Variants in CAMTA1 observed in about 807,000 individuals in gnomAD.
The protein encoded by CAMTA1 is calmodulin-binding transcription activator 1.
Under a neutral mutation model 170.9 loss-of-function variants are expected in CAMTA1, and 27 were observed. The observed-to-expected ratio is 0.16, with a 90% confidence interval of 0.12 to 0.22. CAMTA1 has a LOEUF of 0.22. Ranked by LOEUF, CAMTA1 falls within the 10% of genes least tolerant of loss-of-function variation. The probability of loss-of-function intolerance (pLI) is 1.00; values close to 1 mark genes in which losing one functional copy is unlikely to be tolerated. For missense variants in CAMTA1, 1,619 were observed against 2,217.2 expected, an observed-to-expected ratio of 0.73 and a Z score of 5.42; for synonymous variants, 833 against 891.5, an observed-to-expected ratio of 0.93 and a Z score of 1.17.
At chr1:7,151,437 G>T (rs941714229) in intron 4 of CAMTA1, among the ~76,000 whole-genome samples, 7 of 152,172 alleles carry the variant, frequency 4.6e-5, no homozygotes, top group Non-Finnish European at 5.9e-5. Flanking sequence ...CTGTGTCTGG[G>T]GTTCCCCTGG....
chr1:7,530,124 T>C (rs1487095228), intron 6 of CAMTA1, among the ~76,000 whole-genome samples: 2 of 152,166 alleles, frequency 1.3e-5, no homozygotes, highest in African/African-American at 4.8e-5. Flanking sequence ...CTCGGCACCC[T>C]GCCCAGACCC....
At chr1:6,787,733 C>G (rs75809905) in intron 1 of CAMTA1, among the ~76,000 whole-genome samples, 5,477 of 152,344 alleles carry the variant, frequency 0.036, 138 homozygotes, top group Non-Finnish European at 0.055. Flanking sequence ...CGACATCCTG[C>G]GTGTTCACCA....
chr1:7,215,080 C>G (rs114578363), intron 4 of CAMTA1, among the ~76,000 whole-genome samples: 3 of 152,078 alleles, frequency 2.0e-5, no homozygotes, highest in African/African-American at 4.8e-5. Context: ...ATATAATAAG[C>G]CTTCATCTGT....
intron 3 of CAMTA1, among the ~76,000 whole-genome samples, chr1:6,982,553 A>C (rs1263617367): frequency 6.6e-6 from 1 of 152,090 alleles, no homozygotes; most frequent in Admixed American, 6.5e-5. Flanking sequence ...TCCTGCCTGA[A>C]TTTCACCCTC....
At chr1:7,711,134 G>T (rs148551891) in intron 11 of CAMTA1, among the ~76,000 whole-genome samples, 66 of 152,330 alleles carry the variant, frequency 4.3e-4, no homozygotes, top group African/African-American at 1.6e-3. Flanking sequence ...CCAGCATGAT[G>T]AGGGTCACTT....
At chr1:7,240,093 A>G (rs1664600578) in intron 4 of CAMTA1, among the ~76,000 whole-genome samples, 1 of 152,176 alleles carries the variant, frequency 6.6e-6, no homozygotes, top group South Asian at 2.1e-4. Flanking sequence ...GAGGACATGT[A>G]CTATCTGGTT....
intron 11 of CAMTA1, among the ~76,000 whole-genome samples, chr1:7,705,924 C>T (rs535350703): frequency 1.3e-5 from 2 of 152,250 alleles, no homozygotes; most frequent in Admixed American, 6.5e-5. Context: ...CTCGGGGTGG[C>T]CCTTTTGCAT....
intron 3 of CAMTA1, among the ~76,000 whole-genome samples, chr1:6,875,372 A>G (rs1311389685): frequency 1.3e-5 from 2 of 151,506 alleles, no homozygotes; most frequent in Admixed American, 1.3e-4. Context: ...GCTCACTGCA[A>G]CCTCTGCCTC....
intron 6 of CAMTA1, among the ~76,000 whole-genome samples, chr1:7,560,829 A>G (rs1229025774): frequency 3.3e-5 from 5 of 151,836 alleles, no homozygotes; most frequent in African/African-American, 1.2e-4. Context: ...GGAAGAGAGA[A>G]CACACAAAGG....
At chr1:7,008,944 G>A (rs527804323) in intron 3 of CAMTA1, among the ~76,000 whole-genome samples, 2 of 152,210 alleles carry the variant, frequency 1.3e-5, no homozygotes, top group Non-Finnish European at 2.9e-5. Flanking sequence ...AACAGACTTC[G>A]AGGCCTCCTG....
chr1:7,613,324 G>C (rs894842504), intron 6 of CAMTA1, among the ~76,000 whole-genome samples: 1 of 152,184 alleles, frequency 6.6e-6, no homozygotes, highest in African/African-American at 2.4e-5. Context: ...GCCCAGCACT[G>C]TGCTGAGTGA....
At chr1:7,308,918 T>A (rs1676013783) in intron 5 of CAMTA1, among the ~76,000 whole-genome samples, 1 of 152,246 alleles carries the variant, frequency 6.6e-6, no homozygotes, top group African/African-American at 2.4e-5. Flanking sequence ...GTACTGAAGC[T>A]TCCAGCTATA....
chr1:7,037,882 C>G (rs1703856002), intron 3 of CAMTA1, among the ~76,000 whole-genome samples: 1 of 149,752 alleles, frequency 6.7e-6, no homozygotes, highest in Non-Finnish European at 1.5e-5. Flanking sequence ...CTGACACACA[C>G]TGTTACTAGG....
chr1:7,489,140 T>G (rs955175035), intron 6 of CAMTA1, among the ~76,000 whole-genome samples: 2 of 152,204 alleles, frequency 1.3e-5, no homozygotes, highest in Admixed American at 1.3e-4. Flanking sequence ...ATGGCTATTA[T>G]TTGGGGCCTC....
At chr1:6,796,229 G>A (rs1236788122) in intron 1 of CAMTA1, among the ~76,000 whole-genome samples, 2 of 138,848 alleles carry the variant, frequency 1.4e-5, no homozygotes, top group Non-Finnish European at 3.0e-5. Flanking sequence ...CTGCAGCCTC[G>A]ACTTCTTGGG....
chr1:6,993,304 A>G (rs376943173), intron 3 of CAMTA1, among the ~76,000 whole-genome samples: 5 of 152,228 alleles, frequency 3.3e-5, no homozygotes, highest in East Asian at 3.8e-4. Flanking sequence ...GAGAACTGTC[A>G]TCTTTAAAAT....
chr1:7,523,229 C>T (rs1575785276), intron 6 of CAMTA1, among the ~76,000 whole-genome samples: 1 of 152,338 alleles, frequency 6.6e-6, no homozygotes, highest in Non-Finnish European at 1.5e-5. Flanking sequence ...ATTGCTATAA[C>T]TCTGTATTAA....
At chr1:7,503,602 C>A (rs559984476) in intron 6 of CAMTA1, among the ~76,000 whole-genome samples, 9 of 152,326 alleles carry the variant, frequency 5.9e-5, no homozygotes, top group African/African-American at 1.9e-4. Context: ...CTTAGCCAGG[C>A]CTGACAGTGG....
intron 6 of CAMTA1, among the ~76,000 whole-genome samples, chr1:7,606,035 AC>A (rs2095483797): frequency 1.3e-5 from 2 of 152,248 alleles, no homozygotes; most frequent in African/African-American, 4.8e-5. Flanking sequence ...CTCAGAGCCC[AC>A]TGCCCCTGAG....
Sources: allele counts gnomAD v4.1 joint callset (sites outside exome capture counted in the v4.1 genomes callset), GRCh38; gene constraint gnomAD v4.1.1; transcripts MANE v1.5; gene names NCBI Gene and HGNC (gene_info 2026-07-23, HGNC 2026-07-21).